Variants in PDGFD observed in about 807,000 individuals in gnomAD.
The protein encoded by PDGFD is platelet-derived growth factor D.
PDGFD carries 30 observed loss-of-function variants against 44.7 expected under a neutral mutation model. That is an observed-to-expected ratio of 0.67 (90% CI 0.50 to 0.91). The LOEUF is 0.91. PDGFD is among the 40% of genes least tolerant of loss of function. The pLI is 0.00. For missense variants in PDGFD, 445 were observed against 457.8 expected (o/e 0.97, Z 0.25); for synonymous variants, 173 against 168.4 (o/e 1.03, Z -0.21).
At chr11:104,128,750 T>C (rs548271060) in intron 1 of PDGFD, among the ~76,000 whole-genome samples, 33 of 152,270 alleles carry the variant, frequency 2.2e-4, no homozygotes, top group African/African-American at 7.2e-4. Flanking sequence ...GCAAGAATCA[T>C]ACCTACCTGG....
chr11:104,101,913 T>A (rs1861388561), intron 1 of PDGFD, among the ~76,000 whole-genome samples: 1 of 151,994 alleles, frequency 6.6e-6, no homozygotes, highest in Non-Finnish European at 1.5e-5. Context: ...TTACACCTTA[T>A]ACAAAAATTA....
intron 1 of PDGFD, among the ~76,000 whole-genome samples, chr11:104,047,075 C>T (rs566489220): frequency 1.4e-5 from 2 of 147,148 alleles, no homozygotes; most frequent in East Asian, 2.0e-4. Flanking sequence ...TGAACTCATC[C>T]TTTTTTATGG....
intron 3 of PDGFD, among the ~76,000 whole-genome samples, chr11:103,958,233 C>A (rs748218557): frequency 1.3e-5 from 2 of 152,242 alleles, no homozygotes; most frequent in Non-Finnish European, 2.9e-5. Flanking sequence ...TAAGGAAGTG[C>A]CACAGATACC....
At chr11:104,143,413 A>G (rs762074539) in intron 1 of PDGFD, among the ~76,000 whole-genome samples, 1 of 152,226 alleles carries the variant, frequency 6.6e-6, no homozygotes. Context: ...GTAAAGCAGA[A>G]ACTCTTTACT....
In PDGFD at chr11:104,144,762, C is replaced by T. The variant is rs138731307; in HGVS notation, c.124+19042G>A. ...CAGAAATTTTTATTTAAATCCTGAC[C>T]CTGCCAGTGATCCACTGTATGACTT... On this transcript the variant is annotated intron_variant, in intron 1 of 6. Transcript: ENST00000393158. Among the ~76,000 whole-genome samples the T allele has an allele frequency of 6.3e-3, 963 of 152,066 alleles. 1 individual carries two copies. The highest frequency in any genetic ancestry group is 0.011 in the Non-Finnish European group (755 of 67,986).
intron 3 of PDGFD, among the ~76,000 whole-genome samples, chr11:103,951,625 T>C (rs1166483355): frequency 6.6e-6 from 1 of 152,118 alleles, no homozygotes; most frequent in Admixed American, 6.5e-5. Flanking sequence ...CTTCTTTCAG[T>C]CCTGCAAATA....
At chr11:104,072,075 TG>T (rs1860886111) in intron 1 of PDGFD, among the ~76,000 whole-genome samples, 1 of 151,874 alleles carries the variant, frequency 6.6e-6, no homozygotes, top group South Asian at 2.1e-4. Context: ...TATTCCTGCA[TG>T]CTTATTTTTC....
intron 3 of PDGFD, among the ~76,000 whole-genome samples, chr11:103,969,667 T>G (rs1859075261): frequency 6.6e-6 from 1 of 151,900 alleles, no homozygotes; most frequent in Admixed American, 6.6e-5. Flanking sequence ...ATTCAAGATA[T>G]TGCAATGATT....
chr11:104,130,001 A>G (rs368800192), intron 1 of PDGFD, among the ~76,000 whole-genome samples: 63 of 32,962 alleles, frequency 1.9e-3, no homozygotes, highest in East Asian at 8.4e-3. Flanking sequence ...AAGACCTCTG[A>G]AAAAAAAAAA....
intron 1 of PDGFD, among the ~76,000 whole-genome samples, chr11:104,045,581 T>C (rs962392585): frequency 6.6e-6 from 1 of 151,830 alleles, no homozygotes; most frequent in Non-Finnish European, 1.5e-5. Context: ...TGGAAAAGCA[T>C]AGATGAAACA....
At chr11:103,920,355 AC>A (rs1858195439) in intron 6 of PDGFD, among the ~76,000 whole-genome samples, 1 of 152,236 alleles carries the variant, frequency 6.6e-6, no homozygotes, top group African/African-American at 2.4e-5. Flanking sequence ...TTTTGACAGC[AC>A]CTTAGAGGAT....
intron 3 of PDGFD, among the ~76,000 whole-genome samples, chr11:103,962,240 C>G (rs1269474632): frequency 6.6e-6 from 1 of 152,168 alleles, no homozygotes; most frequent in Admixed American, 6.5e-5. Context: ...ACATTTTCCA[C>G]TCAAATACAA....
chr11:103,928,299 A>T (rs1176350044), intron 5 of PDGFD, among the ~76,000 whole-genome samples: 1 of 152,222 alleles, frequency 6.6e-6, no homozygotes, highest in African/African-American at 2.4e-5. Context: ...GTCTGCACAG[A>T]ACCCACCACC....
At chr11:104,144,207 A>G (rs1420127531) in intron 1 of PDGFD, among the ~76,000 whole-genome samples, 1 of 152,110 alleles carries the variant, frequency 6.6e-6, no homozygotes, top group Non-Finnish European at 1.5e-5. Flanking sequence ...TCTTATCAAC[A>G]TTTTTTATTC....
intron 1 of PDGFD, among the ~76,000 whole-genome samples, chr11:104,051,114 T>A (rs1391540586): frequency 6.6e-6 from 1 of 151,966 alleles, no homozygotes; most frequent in East Asian, 1.9e-4. Context: ...AAAAATGCCC[T>A]CCATTATGAT....
intron 1 of PDGFD, among the ~76,000 whole-genome samples, chr11:104,048,642 A>G (rs1329912250): frequency 2.0e-5 from 3 of 152,212 alleles, no homozygotes; most frequent in Admixed American, 2.0e-4. Context: ...GATACAGGCC[A>G]TTCCCAAAGC....
chr11:104,160,476 C>T (rs772852294), intron 1 of PDGFD, among the ~76,000 whole-genome samples: 67 of 152,094 alleles, frequency 4.4e-4, no homozygotes, highest in Non-Finnish European at 6.3e-4. Context: ...TTAGTTTTGG[C>T]CAGTTATTAT....
At chr11:103,923,993 A>T (rs1409704262) in intron 6 of PDGFD, among the ~76,000 whole-genome samples, 2 of 152,228 alleles carry the variant, frequency 1.3e-5, no homozygotes, top group African/African-American at 4.8e-5. Flanking sequence ...TCTACACATT[A>T]ACTGAGAACA....
Position 104,128,532 on chromosome 11 carries a change from T to C in PDGFD, c.124+35272A>G, listed in dbSNP as rs370346745. On this transcript the variant is annotated intron_variant, in intron 1 of 6. Transcript: ENST00000393158. ...AGGCTGGCACAAATAGATGGCTCCATGCATGATTGCGTGTGTATTTCTGCT... is the reference window on the plus strand; with the variant it reads ...AGGCTGGCACAAATAGATGGCTCCACGCATGATTGCGTGTGTATTTCTGCT... Among the ~76,000 whole-genome samples the C allele has an allele frequency of 4.6e-5, 7 of 152,258 alleles. No homozygotes were observed. The South Asian group carries it at 8.3e-4, about 18-fold the overall frequency.
Sources: gnomAD v4.1 joint callset for allele counts (sites outside exome capture counted in the v4.1 genomes callset) on GRCh38, gnomAD v4.1.1 for gene constraint, MANE v1.5 for transcripts, NCBI Gene and HGNC (gene_info 2026-07-23, HGNC 2026-07-21) for gene names.